GABRB1: variants seen among roughly 807,000 people sequenced by gnomAD.
GABRB1 encodes the protein gamma-aminobutyric acid receptor subunit beta-1.
In GABRB1, 17 loss-of-function variants were observed where a neutral mutation model predicts 51.6. The observed-to-expected ratio is 0.33, with a 90% confidence interval of 0.23 to 0.49. The LOEUF is 0.49. Ranked by LOEUF, GABRB1 falls within the 20% of genes least tolerant of loss-of-function variation. The probability of loss-of-function intolerance (pLI) is 0.99; values close to 1 mark genes in which losing one functional copy is unlikely to be tolerated. For missense variants in GABRB1, 410 were observed against 600.6 expected, an observed-to-expected ratio of 0.68 and a Z score of 3.32; for synonymous variants, 247 against 218.9, an observed-to-expected ratio of 1.13 and a Z score of -1.14.
chr4:47,337,184 C>A (rs1279375350), intron 5 of GABRB1, among the ~76,000 whole-genome samples: 1 of 151,948 alleles, frequency 6.6e-6, no homozygotes, highest in Non-Finnish European at 1.5e-5. Context: ...CAGAGGTTGC[C>A]ATGAGCTGAA....
chr4:47,077,565 A>G (rs1727610067), intron 3 of GABRB1, among the ~76,000 whole-genome samples: 9 of 151,994 alleles, frequency 5.9e-5, no homozygotes, highest in Admixed American at 5.9e-4. Context: ...ACAAATTGCT[A>G]AGTATATCCT....
At chr4:47,333,996 C>T (rs1725598018) in intron 5 of GABRB1, among the ~76,000 whole-genome samples, 1 of 152,116 alleles carries the variant, frequency 6.6e-6, no homozygotes, top group Non-Finnish European at 1.5e-5. Context: ...CTGAATAGAG[C>T]CAAGGGCTTG....
At chr4:47,274,115 T>C (rs1722982985) in intron 4 of GABRB1, among the ~76,000 whole-genome samples, 2 of 152,118 alleles carry the variant, frequency 1.3e-5, no homozygotes, top group South Asian at 2.1e-4. Flanking sequence ...TTTTCTCAAC[T>C]CTTAAAGCAA....
intron 3 of GABRB1, among the ~76,000 whole-genome samples, chr4:47,136,243 C>G (rs1716642716): frequency 6.6e-6 from 1 of 152,116 alleles, no homozygotes; most frequent in Non-Finnish European, 1.5e-5. Flanking sequence ...CTTCTGACCT[C>G]TGTCTTCGAG....
At chr4:47,092,627 C>T (rs2109589291) in intron 3 of GABRB1, among the ~76,000 whole-genome samples, 1 of 147,216 alleles carries the variant, frequency 6.8e-6, no homozygotes, top group Non-Finnish European at 1.5e-5. Context: ...TTTTTTGAAA[C>T]AGAGTCTCAC....
chr4:47,338,426 T>C (rs1030815539), intron 5 of GABRB1, among the ~76,000 whole-genome samples: 1 of 152,220 alleles, frequency 6.6e-6, no homozygotes, highest in Non-Finnish European at 1.5e-5. Context: ...TCAAGCGTTT[T>C]AGACTATTAG....
At chr4:47,216,195 TTCA>T (rs1720549888) in intron 4 of GABRB1, among the ~76,000 whole-genome samples, 1 of 151,990 alleles carries the variant, frequency 6.6e-6, no homozygotes, top group Admixed American at 6.6e-5. Context: ...GAGTAAGTGA[TTCA>T]TTTTCCCCTT....
At chr4:47,225,725 A>G (rs2109829341) in intron 4 of GABRB1, among the ~76,000 whole-genome samples, 1 of 152,292 alleles carries the variant, frequency 6.6e-6, no homozygotes, top group East Asian at 1.9e-4. Flanking sequence ...AACTCCATTT[A>G]TATGGCTATC....
intron 4 of GABRB1, among the ~76,000 whole-genome samples, chr4:47,263,309 G>T (rs912235432): frequency 3.9e-5 from 6 of 152,102 alleles, no homozygotes; most frequent in Non-Finnish European, 8.8e-5. Flanking sequence ...TTTAGTGGAT[G>T]CAAGGAGGAT....
At chr4:47,285,292 A>T (rs919148463) in intron 4 of GABRB1, among the ~76,000 whole-genome samples, 1 of 152,164 alleles carries the variant, frequency 6.6e-6, no homozygotes, top group South Asian at 2.1e-4. Flanking sequence ...TTTCCTCTAG[A>T]TCATGCTCTC....
intron 4 of GABRB1, among the ~76,000 whole-genome samples, chr4:47,171,228 C>T (rs1718423235): frequency 6.6e-6 from 1 of 150,862 alleles, no homozygotes; most frequent in Admixed American, 6.6e-5. Context: ...AATTCCTGAC[C>T]TTGATTGTAT....
At chr4:47,072,067 G>A (rs377132110) in intron 3 of GABRB1, among the ~76,000 whole-genome samples, 66 of 150,878 alleles carry the variant, frequency 4.4e-4, no homozygotes, top group African/African-American at 1.5e-3. Context: ...ACAAGTAGAA[G>A]TGATACAATG....
intron 8 of GABRB1, among the ~76,000 whole-genome samples, chr4:47,410,402 T>A (rs1448481451): frequency 6.6e-6 from 1 of 152,094 alleles, no homozygotes; most frequent in African/African-American, 2.4e-5. Flanking sequence ...TAAAAGAGAA[T>A]CAACTTTCAA....
chr4:47,370,012 T>TA (rs1727129440), intron 5 of GABRB1, among the ~76,000 whole-genome samples: 1 of 152,030 alleles, frequency 6.6e-6, no homozygotes, highest in South Asian at 2.1e-4. Flanking sequence ...TATAAACATA[T>TA]AAAGATGCTT....
intron 5 of GABRB1, among the ~76,000 whole-genome samples, chr4:47,331,486 T>C (rs1447553375): frequency 6.6e-6 from 1 of 152,116 alleles, no homozygotes; most frequent in Admixed American, 6.6e-5. Context: ...AGCGGCTGTG[T>C]AGATTGATGA....
At chr4:47,267,317 A>T (rs989373199) in intron 4 of GABRB1, among the ~76,000 whole-genome samples, 1 of 152,074 alleles carries the variant, frequency 6.6e-6, no homozygotes, top group African/African-American at 2.4e-5. Flanking sequence ...GTTCTTGGAA[A>T]TTAAAAATAT....
At chr4:47,076,151 T>C (rs1012249642) in intron 3 of GABRB1, among the ~76,000 whole-genome samples, 1 of 152,208 alleles carries the variant, frequency 6.6e-6, no homozygotes, top group Admixed American at 6.5e-5. Flanking sequence ...GATTTCTTTG[T>C]TCAATTCCAG....
At chr4:47,301,633 C>CAAAA (rs11435118) in intron 4 of GABRB1, among the ~76,000 whole-genome samples, 137 of 144,878 alleles carry the variant, frequency 9.5e-4, no homozygotes, top group African/African-American at 3.3e-3. Flanking sequence ...GACTCTGTCT[C>CAAAA]AAAAAAAAAA....
At chr4:47,034,699 T>C (rs1725475789) in intron 3 of GABRB1, among the ~76,000 whole-genome samples, 1 of 152,074 alleles carries the variant, frequency 6.6e-6, no homozygotes, top group African/African-American at 2.4e-5. Context: ...TGACAAAACA[T>C]TGAAATAAAT....
Sources: gnomAD v4.1 joint callset for allele counts (sites outside exome capture counted in the v4.1 genomes callset) on GRCh38, gnomAD v4.1.1 for gene constraint, MANE v1.5 for transcripts, NCBI Gene and HGNC (gene_info 2026-07-23, HGNC 2026-07-21) for gene names.